RAD51B: variants seen among roughly 807,000 people sequenced by gnomAD.
RAD51B encodes the protein DNA repair protein RAD51 homolog 2.
A neutral mutation model predicts 42.2 loss-of-function variants in RAD51B; 38 were observed. The observed-to-expected ratio is 0.90, with a 90% CI of 0.70 to 1.18. The LOEUF (loss-of-function observed/expected upper bound fraction) is 1.18, where lower values mean the gene tolerates loss of function less well. Ranked by LOEUF, RAD51B falls within the 50% of genes most tolerant of loss-of-function variation. The pLI is 0.00. For synonymous variants in RAD51B, 154 were observed against 145.2 expected, an observed-to-expected ratio of 1.06 and a Z score of -0.43; for missense variants, 373 against 400.7, an observed-to-expected ratio of 0.93 and a Z score of 0.59.
At chr14:68,553,401 G>A (rs1239244470) in intron 10 of RAD51B, among the ~76,000 whole-genome samples, 1 of 152,166 alleles carries the variant, frequency 6.6e-6, no homozygotes, top group Non-Finnish European at 1.5e-5. Context: ...CAGAGCCAAG[G>A]GTAGACTGAG....
At chr14:68,095,971 C>CAAA (rs56862052) in intron 7 of RAD51B, among the ~76,000 whole-genome samples, 62 of 62,576 alleles carry the variant, frequency 9.9e-4, no homozygotes, top group African/African-American at 1.7e-3. Context: ...GACTCCGTCT[C>CAAA]AAAAAAAAAA....
intron 8 of RAD51B, among the ~76,000 whole-genome samples, chr14:68,351,487 A>C (rs2082787931): frequency 6.6e-6 from 1 of 152,214 alleles, no homozygotes; most frequent in Non-Finnish European, 1.5e-5. Flanking sequence ...GAGGAGGAAC[A>C]ACCAGGAATC....
At chr14:67,823,150 T>C (rs1273371330) in intron 1 of RAD51B, among the ~76,000 whole-genome samples, 1 of 152,222 alleles carries the variant, frequency 6.6e-6, no homozygotes, top group Non-Finnish European at 1.5e-5. Context: ...ATAGACTTTC[T>C]AGTAGTTCTG....
At chr14:68,366,992 C>T (rs947069652) in intron 8 of RAD51B, among the ~76,000 whole-genome samples, 1 of 152,234 alleles carries the variant, frequency 6.6e-6, no homozygotes, top group Non-Finnish European at 1.5e-5. Flanking sequence ...GGATTAATAA[C>T]TTCAGTGTAT....
chr14:68,660,609 T>C (rs1432724437), intron 11 of RAD51B, among the ~76,000 whole-genome samples: 1 of 152,206 alleles, frequency 6.6e-6, no homozygotes, highest in Non-Finnish European at 1.5e-5. Context: ...CAACAGACAC[T>C]GCTCCTGCCC....
chr14:68,117,814 C>T (rs1477726776), intron 7 of RAD51B, among the ~76,000 whole-genome samples: 1 of 152,164 alleles, frequency 6.6e-6, no homozygotes, highest in Non-Finnish European at 1.5e-5. Context: ...GAGTGCTATT[C>T]TTCAATGTAG....
At chr14:68,631,243 C>G (rs924337571) in intron 10 of RAD51B, among the ~76,000 whole-genome samples, 2 of 152,214 alleles carry the variant, frequency 1.3e-5, no homozygotes, top group African/African-American at 4.8e-5. Flanking sequence ...TCCCTCAATT[C>G]TAAAGCTGCA....
intron 10 of RAD51B, among the ~76,000 whole-genome samples, chr14:68,605,797 C>G (rs991021031): frequency 3.3e-5 from 5 of 152,298 alleles, no homozygotes; most frequent in African/African-American, 1.2e-4. Context: ...TTCCTGCCCC[C>G]CTGCAAAGTT....
intron 7 of RAD51B, among the ~76,000 whole-genome samples, chr14:68,108,956 C>T (rs538834598): frequency 6.6e-6 from 1 of 151,970 alleles, no homozygotes; most frequent in Admixed American, 6.6e-5. Flanking sequence ...TATCAATCTG[C>T]TTGTCTATTG....
At chr14:68,280,562 T>C (rs899857454) in intron 7 of RAD51B, among the ~76,000 whole-genome samples, 1 of 152,192 alleles carries the variant, frequency 6.6e-6, no homozygotes, top group Admixed American at 6.5e-5. Context: ...CCAACACAAC[T>C]CAAGCAATTG....
chr14:67,911,923 G>C (rs1441359925), intron 7 of RAD51B, among the ~76,000 whole-genome samples: 1 of 152,160 alleles, frequency 6.6e-6, no homozygotes, highest in Non-Finnish European at 1.5e-5. Context: ...TTTTAGACCA[G>C]ATGTGTGTTT....
intron 7 of RAD51B, among the ~76,000 whole-genome samples, chr14:68,141,349 G>T (rs912818256): frequency 6.6e-6 from 1 of 152,060 alleles, no homozygotes; most frequent in African/African-American, 2.4e-5. Context: ...AGCTCTATAG[G>T]TCTTCAATAA....
chr14:67,835,608 A>G (rs1008489124), intron 4 of RAD51B, among the ~76,000 whole-genome samples: 2 of 151,654 alleles, frequency 1.3e-5, no homozygotes, highest in Non-Finnish European at 2.9e-5. Flanking sequence ...CATAAATAAC[A>G]TTATATATTT....
rs115508668 is a variant in RAD51B at position 68,280,373 on chromosome 14, T to C, written c.757-11511T>C. ...ATATCCGTGGGACCATGAGTTTTCA[T>C]ATTGAGAACCTTTTTATGTGATAGA... On this transcript the variant is annotated intron_variant, in intron 7 of 10. Coordinates refer to ENST00000471583, the MANE Select transcript of RAD51B (RefSeq NM_133510.4). Among the ~76,000 whole-genome samples the C allele has an allele frequency of 9.5e-3, 1,451 of 152,334 alleles. 28 individuals carry two copies. The highest frequency in any genetic ancestry group is 0.057 in the East Asian group (296 of 5,190).
intron 7 of RAD51B, among the ~76,000 whole-genome samples, chr14:67,976,920 C>T (rs1218217570): frequency 6.6e-6 from 1 of 152,118 alleles, no homozygotes; most frequent in African/African-American, 2.4e-5. Context: ...TGAACAGACA[C>T]TTCTCAAAAG....
chr14:68,002,074 G>T lies in RAD51B; in HGVS notation c.756+114870G>T, dbSNP rs143368302. 8.1e-3 allele frequency among the ~76,000 whole-genome samples: 1,226 copies of T among 152,238 alleles called. 15 individuals carry two copies. The highest frequency in any genetic ancestry group is 0.028 in the African/African-American group (1,149 of 41,544). ...TGGGTATATAAGCAGTAATGGGATT[G>T]CTGGGTCAAATGGTATTTCTGCCTC... On this transcript the variant is annotated intron_variant, in intron 7 of 10. Transcript: ENST00000471583.
At chr14:68,154,701 T>A (rs2078463431) in intron 7 of RAD51B, among the ~76,000 whole-genome samples, 1 of 152,194 alleles carries the variant, frequency 6.6e-6, no homozygotes, top group African/African-American at 2.4e-5. Flanking sequence ...TTCCTTTTTT[T>A]TTTTTTTCCC....
At chr14:68,096,139 A>T (rs1328425606) in intron 7 of RAD51B, among the ~76,000 whole-genome samples, 1 of 152,068 alleles carries the variant, frequency 6.6e-6, no homozygotes, top group Non-Finnish European at 1.5e-5. Flanking sequence ...TATTCTACAA[A>T]ATCCATATTT....
chr14:68,356,914 C>T (rs1008748749), intron 8 of RAD51B, among the ~76,000 whole-genome samples: 56 of 136,922 alleles, frequency 4.1e-4, no homozygotes, highest in African/African-American at 1.3e-3. Context: ...ACCCGGGAGG[C>T]GGAGCTTGCA....
Sources: gnomAD v4.1 joint callset for allele counts (sites outside exome capture counted in the v4.1 genomes callset) on GRCh38, gnomAD v4.1.1 for gene constraint, MANE v1.5 for transcripts, NCBI Gene and HGNC (gene_info 2026-07-23, HGNC 2026-07-21) for gene names.